Variants in TTC19 observed in about 807,000 individuals in gnomAD.
The protein encoded by TTC19 is tetratricopeptide repeat domain 19.
In TTC19, 38 loss-of-function variants were observed where a neutral mutation model predicts 49.5. The ratio of observed to expected loss-of-function variants is 0.77; its 90% CI spans 0.59 to 1.01. The LOEUF is 1.01. TTC19 is among the 50% of genes least tolerant of loss of function. TTC19 has a pLI of 0.00. For missense variants in TTC19, 475 were observed against 477.7 expected (o/e 0.99, Z 0.05); for synonymous variants, 204 against 185.2 (o/e 1.10, Z -0.83).
intron 6 of TTC19, among the ~76,000 whole-genome samples, chr17:16,004,604 A>C (rs1970840167): frequency 6.6e-6 from 1 of 152,196 alleles, no homozygotes; most frequent in East Asian, 1.9e-4. Context: ...TGGGGATAAT[A>C]TATTAATACT....
At chr17:16,019,747 A>G (rs984529516) in intron 7 of TTC19, among the ~76,000 whole-genome samples, 4 of 152,176 alleles carry the variant, frequency 2.6e-5, no homozygotes, top group African/African-American at 9.7e-5. Context: ...GTTAAAAGTC[A>G]TACTTCACTG....
intron 2 of TTC19, among the ~76,000 whole-genome samples, chr17:16,001,500 C>T (rs1040841979): frequency 6.6e-6 from 1 of 152,164 alleles, no homozygotes. Flanking sequence ...GAAGGCTTCC[C>T]TAAGTCCTAT....
In TTC19 at chr17:16,036,496, C is replaced by T. The variant is rs559663022; in HGVS notation, c.248-8007C>T. 1.3e-3 allele frequency among the ~76,000 whole-genome samples: 198 copies of T among 152,322 alleles called. 1 individual carries two copies. The highest frequency in any genetic ancestry group is 4.5e-3 in the African/African-American group (188 of 41,578). On this transcript the variant is annotated intron_variant, in intron 2 of 2. Coordinates refer to the TTC19 transcript ENST00000470649. ...AGCCTGTCTTTTGAAGTTTTGGACT[C>T]TTCCAGTAGAAGGCTGTTTTGTCTA...
chr17:16,032,427 G>A (rs1401314085), downstream of TTC19: 1 of 1,613,972 alleles, frequency 6.2e-7, no homozygotes, highest in Admixed American at 1.7e-5. Flanking sequence ...ATCGGTGTTG[G>A]TGGAGTACTG....
At chr17:16,034,768 T>C in intron 2 of TTC19, 1 of 1,611,430 alleles carries the variant, frequency 6.2e-7, no homozygotes, top group Non-Finnish European at 8.5e-7. Context: ...TCCTTACCTG[T>C]TGAAGAGGGC....
In TTC19 at chr17:16,028,842, A is replaced by AAAAC; in HGVS notation, c.*1323_*1324insCAAA. 1 of 378,386 alleles carries AAAAC rather than the reference A, an allele frequency of 2.6e-6. No individual in the cohort carries two copies. The highest frequency in any genetic ancestry group is 5.0e-6 in the Non-Finnish European group (1 of 198,340). The allele number at this position is 378,386 out of a possible 1,614,324, so 23.4% of individuals were successfully genotyped here. A position where few individuals can be genotyped will look rare whatever the true frequency, so the allele number is the denominator to read the frequency against. On this transcript the variant is annotated 3_prime_UTR_variant, in exon 10 of 10. Coordinates refer to ENST00000261647, the MANE Select transcript of TTC19 (RefSeq NM_017775.4). ...TCAAAAAAAAAAAAAAAAAAAAAAA[A>AAAAC]AAAACTTTCTGAAGAAAATAAAAAC... is the stretch of plus-strand genomic sequence containing the variant.
intron 5 of TTC19, 144 bp from the exon 6 acceptor site, chr17:16,004,057 T>C: frequency 9.0e-7 from 1 of 1,105,672 alleles, no homozygotes; most frequent in Non-Finnish European, 1.4e-6. Flanking sequence ...ACAGCATGCT[T>C]GCCAAGGAAT....
chr17:16,002,744 T>G, intron 3 of TTC19, 49 bp from the exon 4 acceptor site: 1 of 1,571,154 alleles, frequency 6.4e-7, no homozygotes, highest in Non-Finnish European at 8.8e-7. Context: ...TTGAAATAAG[T>G]AGGAACACAG....
intron 6 of TTC19, 77 bp from the exon 7 acceptor site, chr17:16,006,397 C>A: frequency 9.1e-7 from 1 of 1,098,684 alleles, no homozygotes. Context: ...GCAACAAGAG[C>A]GAAACTCCAT....
chr17:16,027,025 TGAAGCTTTATGACAG>T, intron 9 of TTC19: 1 of 512,468 alleles, frequency 2.0e-6, no homozygotes, highest in Non-Finnish European at 3.5e-6. Context: ...AGTGTGCTGG[TGAAGCTTTATGACAG>T]GAAGTATCAT....
At chr17:16,006,839 A>G (rs1970925378) in intron 7 of TTC19, among the ~76,000 whole-genome samples, 1 of 152,140 alleles carries the variant, frequency 6.6e-6, no homozygotes, top group Admixed American at 6.5e-5. Flanking sequence ...TAACTTAAGG[A>G]AAATTGGGGA....
intron 6 of TTC19, 105 bp from the exon 7 acceptor site, chr17:16,006,369 C>T: frequency 1.2e-6 from 1 of 834,146 alleles, no homozygotes; most frequent in South Asian, 1.3e-5. Flanking sequence ...GAGGTCACGC[C>T]ATTGCACTCC....
Position 16,006,611 on chromosome 17 carries a change from G to C in TTC19, c.676+43G>C, listed in dbSNP as rs751226265. The stretch of plus-strand genomic sequence containing the variant: ...TGGGCATTGCCTTTTCTCCACAAAA[G>C]GCTTTACTTTACACTTTTGAGAAAT... On this transcript the variant is annotated intron_variant, in intron 7 of 9. Transcript: ENST00000261647. 4.0e-5 allele frequency: 52 copies of C among 1,289,684 alleles called. 1 individual carries two copies. In the Middle Eastern group the frequency reaches 7.4e-4, roughly 18 times the overall value. The allele number at this position is 1,289,684 out of a possible 1,614,324, so 79.9% of individuals were successfully genotyped here.
chr17:16,024,475 T>TG (rs386385755), intron 7 of TTC19: 12 of 151,690 alleles, frequency 7.9e-5, no homozygotes, highest in African/African-American at 2.9e-4. Context: ...TTTTTTTTTT[T>TG]TTTGTATTTT....
Position 16,025,172 on chromosome 17 carries a change from G to A in TTC19, c.831+1G>A, listed in dbSNP as rs773680046. ...AATACAAGGAGAAAGACACCCACAG[G>A]TAAGGGAGGAAAACACAGAAGGGGG... On this transcript the variant is annotated splice_donor_variant, in intron 8 of 9. Transcript: ENST00000261647. LOFTEE classifies it high-confidence loss of function. 3.1e-6 allele frequency: 5 copies of A among 1,613,370 alleles called. No individual in the cohort carries two copies. In the Admixed American group the frequency reaches 8.3e-5, roughly 27 times the overall value.
rs759571304 is a variant in TTC19 at position 16,026,525 on chromosome 17, TTC to T, written c.832-13_832-12del. 1.2e-6 allele frequency: 2 copies of T among 1,613,350 alleles called. No individual in the cohort carries two copies. The highest frequency in any genetic ancestry group is 1.7e-6 in the Non-Finnish European group (2 of 1,179,724). Reference sequence around the variant, plus strand: ...ATGTTTTTAAAGAAAAAATTGTTTTTTCTTTTACATACAGACCATTGTGCTGA... The same window carrying T: ...ATGTTTTTAAAGAAAAAATTGTTTTTTTTTACATACAGACCATTGTGCTGA... On this transcript the variant is annotated splice_polypyrimidine_tract_variant and intron_variant, in intron 8 of 9. Transcript: ENST00000261647.
intron 2 of TTC19, among the ~76,000 whole-genome samples, chr17:16,037,582 A>G (rs986538359): frequency 1.3e-5 from 2 of 152,256 alleles, no homozygotes; most frequent in South Asian, 4.1e-4. Flanking sequence ...CTCAGAGTAC[A>G]GAAACTACTA....
At chr17:16,036,889 CCTT>C (rs1168693065) in intron 2 of TTC19, among the ~76,000 whole-genome samples, 1 of 152,218 alleles carries the variant, frequency 6.6e-6, no homozygotes, top group Non-Finnish European at 1.5e-5. Context: ...CTTTCAATTT[CCTT>C]CAAAAACTTT....
chr17:16,020,494 CAG>C (rs1308112846), intron 7 of TTC19, among the ~76,000 whole-genome samples: 3 of 152,130 alleles, frequency 2.0e-5, no homozygotes, highest in Non-Finnish European at 2.9e-5. Flanking sequence ...TGTATATTAA[CAG>C]AATCTTGATA....
Sources: gnomAD v4.1 joint callset for allele counts (sites outside exome capture counted in the v4.1 genomes callset) on GRCh38, gnomAD v4.1.1 for gene constraint, MANE v1.5 for transcripts, NCBI Gene and HGNC (gene_info 2026-07-23, HGNC 2026-07-21) for gene names.